TPX2: variants seen among roughly 807,000 people sequenced by gnomAD.
The protein encoded by TPX2 is targeting protein for Xklp2.
TPX2 carries 21 observed loss-of-function variants against 93.6 expected under a neutral mutation model. The ratio of observed to expected loss-of-function variants is 0.22; its 90% CI spans 0.16 to 0.32. The LOEUF is 0.32. Among genes scored for constraint, TPX2 ranks in the 10% least tolerant of loss-of-function variants. TPX2 has a pLI of 1.00. For synonymous variants in TPX2, 281 were observed against 298.3 expected, an observed-to-expected ratio of 0.94 and a Z score of 0.60; for missense variants, 776 against 871.1, an observed-to-expected ratio of 0.89 and a Z score of 1.37.
chr20:31,779,599 G>A (rs1434324606), intron 10 of TPX2, among the ~76,000 whole-genome samples: 1 of 152,170 alleles, frequency 6.6e-6, no homozygotes, highest in Non-Finnish European at 1.5e-5. Flanking sequence ...ACAAATTATG[G>A]CAGGGGATTT....
intron 2 of TPX2, among the ~76,000 whole-genome samples, chr20:31,754,093 ATTATTT>A (rs1371681273): frequency 6.6e-6 from 1 of 151,962 alleles, no homozygotes; most frequent in East Asian, 1.9e-4. Context: ...CCAGAAGTAC[ATTATTT>A]TTATTTATTT....
rs1231096783 is a variant in TPX2 at position 31,775,927 on chromosome 20, A to G, written c.669A>G (p.Gln223=). The G allele has an allele frequency of 1.1e-5, 17 of 1,606,508 alleles. No homozygotes were observed. Among genetic ancestry groups the G allele is most frequent in the Middle Eastern group, 3.3e-4 (2 of 6,006 alleles). ...QELEKSMKMQ[Q]EVVEMRKKNE... is the part of the protein sequence containing the mutation. ...TGGAGAAGAGTATGAAAATGCAGCA[A>G]GAGGTGGTGGAGATGCGGAAAAAGA... is the stretch of plus-strand genomic sequence containing the variant. The change falls in exon 8 of 18, where the codon CAA becomes CAG. Residue 223 remains glutamine (Q), a synonymous_variant. Coordinates refer to ENST00000300403, the MANE Select transcript of TPX2 (RefSeq NM_012112.5).
chr20:31,769,482 C>T (rs945090257), intron 5 of TPX2, among the ~76,000 whole-genome samples: 1 of 151,934 alleles, frequency 6.6e-6, no homozygotes, highest in Admixed American at 6.6e-5. Context: ...CCACGCCTGG[C>T]TAATTTTTTT....
intron 2 of TPX2, among the ~76,000 whole-genome samples, chr20:31,745,836 A>G (rs1046079906): frequency 1.1e-4 from 16 of 152,182 alleles, no homozygotes; most frequent in African/African-American, 3.9e-4. Context: ...TCCTTTTAGT[A>G]TTTTACAAAG....
chr20:31,793,222 C>T (rs1253290794), intron 13 of TPX2, among the ~76,000 whole-genome samples: 1 of 152,180 alleles, frequency 6.6e-6, no homozygotes, highest in African/African-American at 2.4e-5. Context: ...CCACCTTGTC[C>T]TATCTCCGTT....
At chr20:31,792,269 G>A (rs1262344983) in intron 12 of TPX2, among the ~76,000 whole-genome samples, 4 of 152,116 alleles carry the variant, frequency 2.6e-5, no homozygotes, top group African/African-American at 9.7e-5. Flanking sequence ...TGAGGTGGGA[G>A]GATCACTTGA....
rs2061993737 is a variant in TPX2, at chr20:31,775,905, A to C, written c.647A>C (p.Glu216Ala). The C allele has an allele frequency of 4.4e-6, 7 of 1,606,076 alleles. No individual in the cohort carries two copies. The East Asian group carries it at 1.6e-4, about 36-fold the overall frequency. The part of the protein sequence containing the change: ...FLKSTEEQEL[E>A]KSMKMQQEVV... ...AAAAGTACTGAGGAGCAAGAGCTGG[A>C]GAAGAGTATGAAAATGCAGCAAGAG... Residue 216 changes from glutamate to alanine, a missense_variant, in exon 8 of 18, where the codon GAG (glutamate) becomes GCG (alanine). Physicochemically the swap from Glu to Ala is moderately radical, Grantham distance 107. This residue lies in a region of TPX2 where 279 missense variants were observed against 261.6 expected (regional missense o/e 1.07). Transcript: ENST00000300403.
rs180896031 is a variant in TPX2 at position 31,772,162 on chromosome 20, A to G, written c.608+480A>G. Among the ~76,000 whole-genome samples, 3 of 152,056 alleles carry G rather than the reference A, an allele frequency of 2.0e-5. No individual in the cohort carries two copies. In the East Asian group the frequency reaches 5.8e-4, roughly 29 times the overall value. ...CAGCCTCCCGAGTAGCCCGGATTACAGGTGTGCACCACCACACCCGGCTAA... is the reference window on the plus strand; with the variant it reads ...CAGCCTCCCGAGTAGCCCGGATTACGGGTGTGCACCACCACACCCGGCTAA... On this transcript the variant is annotated intron_variant, in intron 7 of 17. Coordinates refer to ENST00000300403, the MANE Select transcript of TPX2 (RefSeq NM_012112.5).
rs1256994752 is a variant in TPX2, at chr20:31,794,007, G to A, written c.1669G>A (p.Glu557Lys). Residue 557 changes from glutamate to lysine, a missense_variant, in exon 14 of 18, where the codon GAA becomes AAA. Glu to Lys is a moderately conservative substitution (Grantham distance 56, BLOSUM62 1). This residue lies in a region of TPX2 where 461 missense variants were observed against 551.2 expected (regional missense o/e 0.84). Coordinates refer to ENST00000300403, the MANE Select transcript of TPX2 (RefSeq NM_012112.5). ...GTTACAGAAGGAGAAGAAAATAAAAGAACTGCAGAAAGGGGAGGTAGGTGT... is the reference window on the plus strand; with the variant it reads ...GTTACAGAAGGAGAAGAAAATAAAAAAACTGCAGAAAGGGGAGGTAGGTGT... The part of the protein sequence containing the change: ...RQLQKEKKIK[E>K]LQKGEVPKFK... 2.5e-6 allele frequency: 4 copies of A among 1,612,036 alleles called. No homozygotes were observed. The highest frequency in any genetic ancestry group is 3.4e-6 in the Non-Finnish European group (4 of 1,179,352).
chr20:31,753,852 C>A (rs2061834946), intron 2 of TPX2, among the ~76,000 whole-genome samples: 1 of 152,006 alleles, frequency 6.6e-6, no homozygotes, highest in African/African-American at 2.4e-5. Flanking sequence ...ATGGTGAAAC[C>A]CCATCTCTAC....
chr20:31,751,810 T>G (rs1480212743), intron 2 of TPX2, among the ~76,000 whole-genome samples: 1 of 152,180 alleles, frequency 6.6e-6, no homozygotes, highest in East Asian at 1.9e-4. Context: ...TGGCGCAATC[T>G]CAGCTCACTG....
At chr20:31,770,587 T>C in intron 6 of TPX2, 116 bp downstream of exon 6, 3 of 1,005,516 alleles carry the variant, frequency 3.0e-6, no homozygotes, top group Non-Finnish European at 4.1e-6. Context: ...TTAAAAATGG[T>C]ACATCTGTAA....
At chr20:31,771,956 A>T (rs1445342163) in intron 7 of TPX2, among the ~76,000 whole-genome samples, 1 of 150,944 alleles carries the variant, frequency 6.6e-6, no homozygotes, top group Non-Finnish European at 1.5e-5. Context: ...GGCTTACGTG[A>T]TCCTCCCACC....
chr20:31,795,506 C>A (rs547293759), intron 15 of TPX2, among the ~76,000 whole-genome samples: 1 of 152,390 alleles, frequency 6.6e-6, no homozygotes, highest in African/African-American at 2.4e-5. Context: ...TGGATTTGGC[C>A]TGTAGGCCAG....
intron 2 of TPX2, among the ~76,000 whole-genome samples, chr20:31,756,747 C>G (rs2061854660): frequency 6.6e-6 from 1 of 152,016 alleles, no homozygotes; most frequent in South Asian, 2.1e-4. Context: ...CCTCACCCTC[C>G]CGAGTAGCTA....
At chr20:31,795,112 C>T (rs1323538264) in intron 15 of TPX2, among the ~76,000 whole-genome samples, 2 of 151,470 alleles carry the variant, frequency 1.3e-5, no homozygotes, top group Non-Finnish European at 2.9e-5. Flanking sequence ...TGAGCCACCA[C>T]ACCCAGCTAC....
At chr20:31,784,452 C>T (rs1226921837) in intron 12 of TPX2, among the ~76,000 whole-genome samples, 5 of 152,174 alleles carry the variant, frequency 3.3e-5, no homozygotes, top group African/African-American at 1.2e-4. Flanking sequence ...CTAGAGCACT[C>T]AGCTAGTACA....
At chr20:31,759,396 GTTTTTTTTTT>G (rs35468756) in intron 3 of TPX2, among the ~76,000 whole-genome samples, 2 of 100,442 alleles carry the variant, frequency 2.0e-5, no homozygotes, top group Admixed American at 1.0e-4. Context: ...GTTTTCTTTC[GTTTTTTTTTT>G]TTTTTTTTTT....
rs1427543760 is a variant in TPX2 at position 31,770,385 on chromosome 20, A to G, written c.399A>G (p.Lys133=). Residue 133 remains lysine, a synonymous_variant, in exon 6 of 18, where the codon AAA becomes AAG. Transcript: ENST00000300403. ...CTGCTCAGAAGGATTTGGAACAGAA[A>G]GAAAAGCATCATGTAAAAATGAAAG... ...RLSAQKDLEQ[K]EKHHVKMKAK... is the part of the protein sequence containing the mutation. The G allele has an allele frequency of 3.7e-6, 6 of 1,606,326 alleles. No homozygotes were observed. The South Asian group carries it at 5.6e-5, about 15-fold the overall frequency.
Sources: gnomAD v4.1 joint callset for allele counts (sites outside exome capture counted in the v4.1 genomes callset) on GRCh38, gnomAD v4.1.1 for gene constraint, gnomAD v4.1.1 regional missense constraint, MANE v1.5 for transcripts, NCBI Gene and HGNC (gene_info 2026-07-23, HGNC 2026-07-21) for gene names.